The following GPC6 variants were observed in gnomAD, a reference collection of about 807,000 sequenced individuals.
The protein encoded by GPC6 is glypican-6.
GPC6 carries 14 observed loss-of-function variants against 55.2 expected under a neutral mutation model. The ratio of observed to expected loss-of-function variants is 0.25; its 90% CI spans 0.17 to 0.40. GPC6 has a LOEUF of 0.40. GPC6 is among the 10% of genes least tolerant of loss of function. The pLI, the probability that GPC6 is intolerant of heterozygous loss-of-function variation, is 1.00. For missense variants in GPC6, 641 were observed against 708.5 expected, an observed-to-expected ratio of 0.90 and a Z score of 1.08; for synonymous variants, 278 against 259.6, an observed-to-expected ratio of 1.07 and a Z score of -0.68.
At chr13:93,376,771 G>A (rs1480817775) in intron 1 of GPC6, among the ~76,000 whole-genome samples, 14 of 131,776 alleles carry the variant, frequency 1.1e-4, no homozygotes, top group Admixed American at 9.0e-4. Flanking sequence ...ACATATTCTT[G>A]CTCACTTTTT....
At chr13:93,496,915 TAC>T (rs1319614531) in intron 1 of GPC6, among the ~76,000 whole-genome samples, 7 of 152,172 alleles carry the variant, frequency 4.6e-5, no homozygotes, top group Non-Finnish European at 1.5e-5. Context: ...GGATGAAAAA[TAC>T]AGATTTATAA....
chr13:94,205,132 T>G (rs894059294), intron 4 of GPC6, among the ~76,000 whole-genome samples: 1 of 152,192 alleles, frequency 6.6e-6, no homozygotes, highest in Non-Finnish European at 1.5e-5. Flanking sequence ...TAAAAATATG[T>G]GCTTCCTTGA....
intron 3 of GPC6, among the ~76,000 whole-genome samples, chr13:93,885,227 C>T (rs1004387429): frequency 1.7e-4 from 26 of 151,332 alleles, no homozygotes; most frequent in African/African-American, 6.1e-4. Flanking sequence ...CTTGGATACC[C>T]TTTGATCCAG....
chr13:94,312,442 T>A (rs959196438), intron 6 of GPC6, among the ~76,000 whole-genome samples: 52 of 152,230 alleles, frequency 3.4e-4, no homozygotes, highest in Non-Finnish European at 7.2e-4. Context: ...CTTCCATGCC[T>A]CTTTGGGGCT....
At chr13:94,086,390 T>G (rs773226565) in intron 4 of GPC6, among the ~76,000 whole-genome samples, 2 of 152,056 alleles carry the variant, frequency 1.3e-5, no homozygotes, top group African/African-American at 2.4e-5. Flanking sequence ...AAATACTATC[T>G]GGACCTTCCA....
At chr13:93,519,912 T>C (rs1881343580) in intron 1 of GPC6, among the ~76,000 whole-genome samples, 2 of 152,054 alleles carry the variant, frequency 1.3e-5, no homozygotes. Flanking sequence ...ACGAATTTTG[T>C]CATCAGCTAA....
intron 4 of GPC6, among the ~76,000 whole-genome samples, chr13:94,134,346 G>A (rs1218166109): frequency 6.6e-6 from 1 of 152,122 alleles, no homozygotes; most frequent in Non-Finnish European, 1.5e-5. Flanking sequence ...GTTCAGCATT[G>A]TCTCCTTTAC....
At chr13:93,234,881 C>A (rs1876180818) in intron 1 of GPC6, among the ~76,000 whole-genome samples, 1 of 152,124 alleles carries the variant, frequency 6.6e-6, no homozygotes. Context: ...GTATCAGTGT[C>A]ACTGAGAGAA....
At chr13:94,011,844 T>A (rs537081594) in intron 3 of GPC6, among the ~76,000 whole-genome samples, 1 of 152,314 alleles carries the variant, frequency 6.6e-6, no homozygotes, top group Admixed American at 6.5e-5. Flanking sequence ...CCCTGGTAAC[T>A]TTGAAATCCA....
At chr13:94,338,248 G>A (rs1877823254) in intron 6 of GPC6, among the ~76,000 whole-genome samples, 1 of 152,194 alleles carries the variant, frequency 6.6e-6, no homozygotes, top group East Asian at 1.9e-4. Flanking sequence ...AATTACCAGA[G>A]ATTCCTAATC....
chr13:93,635,195 A>C (rs758178650), intron 2 of GPC6, among the ~76,000 whole-genome samples: 1 of 152,012 alleles, frequency 6.6e-6, no homozygotes, highest in South Asian at 2.1e-4. Flanking sequence ...AAACTTTCAT[A>C]CAAAACTGGA....
At chr13:93,346,904 T>C (rs1404010904) in intron 1 of GPC6, among the ~76,000 whole-genome samples, 1 of 138,252 alleles carries the variant, frequency 7.2e-6, no homozygotes, top group Non-Finnish European at 1.7e-5. Flanking sequence ...TATGTTTATT[T>C]CTATAAGTTT....
intron 1 of GPC6, among the ~76,000 whole-genome samples, chr13:93,338,900 G>T (rs74110531): frequency 0.027 from 4,126 of 152,232 alleles, 181 homozygotes; most frequent in African/African-American, 0.095. Flanking sequence ...TGATGTGGAG[G>T]TGGTGTTGAC....
intron 2 of GPC6, among the ~76,000 whole-genome samples, chr13:93,572,877 TAGA>T (rs1876473565): frequency 6.6e-6 from 1 of 152,118 alleles, no homozygotes; most frequent in African/African-American, 2.4e-5. Flanking sequence ...CTCATGACTA[TAGA>T]AGAAGAACTA....
At chr13:94,104,141 A>G (rs1885968907) in intron 4 of GPC6, among the ~76,000 whole-genome samples, 1 of 152,126 alleles carries the variant, frequency 6.6e-6, no homozygotes, top group Non-Finnish European at 1.5e-5. Flanking sequence ...TAAATAGGGA[A>G]TTGTTTCCCC....
intron 1 of GPC6, among the ~76,000 whole-genome samples, chr13:93,534,892 C>T (rs1378858430): frequency 6.6e-6 from 1 of 152,066 alleles, no homozygotes; most frequent in East Asian, 1.9e-4. Flanking sequence ...GGTGGGGACC[C>T]AAGGAACTCA....
intron 3 of GPC6, among the ~76,000 whole-genome samples, chr13:93,924,018 G>A (rs989453476): frequency 4.6e-5 from 7 of 152,176 alleles, no homozygotes; most frequent in Non-Finnish European, 7.4e-5. Context: ...TCCACACAAA[G>A]TGATGTTGTG....
chr13:94,312,084 G>C (rs1876277241), intron 6 of GPC6, among the ~76,000 whole-genome samples: 1 of 152,090 alleles, frequency 6.6e-6, no homozygotes, highest in Non-Finnish European at 1.5e-5. Context: ...GAACATACTG[G>C]AATGAATACA....
At chr13:94,032,361 A>G (rs943916) in intron 4 of GPC6, among the ~76,000 whole-genome samples, 120,463 of 152,012 alleles carry the variant, frequency 0.79, 48,573 homozygotes, top group Middle Eastern at 0.9. Flanking sequence ...GTCAGCGGGG[A>G]GTCAGAGAAG....
Sources: allele counts gnomAD v4.1 joint callset (sites outside exome capture counted in the v4.1 genomes callset), GRCh38; gene constraint gnomAD v4.1.1; transcripts MANE v1.5; gene names NCBI Gene and HGNC (gene_info 2026-07-23, HGNC 2026-07-21).